Variants in LCLAT1 observed in about 807,000 individuals in gnomAD.
The protein encoded by LCLAT1 is lysocardiolipin acyltransferase 1.
In LCLAT1, 11 loss-of-function variants were observed where a neutral mutation model predicts 30.7. That is an observed-to-expected ratio of 0.36 (90% CI 0.23 to 0.59). The LOEUF (loss-of-function observed/expected upper bound fraction) is 0.59, where lower values mean the gene tolerates loss of function less well. Ranked by LOEUF, LCLAT1 falls within the 20% of genes least tolerant of loss-of-function variation. The probability of loss-of-function intolerance (pLI) is 0.77; values close to 1 mark genes in which losing one functional copy is unlikely to be tolerated. For missense variants in LCLAT1, 402 were observed against 458.6 expected (o/e 0.88, Z 1.13); for synonymous variants, 155 against 151.3 (o/e 1.02, Z -0.18).
In LCLAT1 at chr2:30,477,541, A is replaced by T. The variant is rs371254595; in HGVS notation, c.-5+30158A>T. ...TATCTGTATATAGCCTCTAACTGGTATACAACTAAGTCACAGATTGTGACC... is the reference window on the plus strand; with the variant it reads ...TATCTGTATATAGCCTCTAACTGGTTTACAACTAAGTCACAGATTGTGACC... On this transcript the variant is annotated intron_variant, in intron 1 of 5. Transcript: ENST00000379509. Among the ~76,000 whole-genome samples, 6 of 152,324 alleles carry T rather than the reference A, an allele frequency of 3.9e-5. No homozygotes were observed. In the South Asian group the frequency reaches 1.0e-3, roughly 26 times the overall value.
At chr2:30,532,189 G>C (rs994290828) in intron 2 of LCLAT1, among the ~76,000 whole-genome samples, 4 of 151,992 alleles carry the variant, frequency 2.6e-5, no homozygotes, top group African/African-American at 9.7e-5. Context: ...TGTTGCTGTA[G>C]GTACTTGTAG....
At chr2:30,507,903 C>T (rs1487797295) in intron 1 of LCLAT1, among the ~76,000 whole-genome samples, 1 of 152,186 alleles carries the variant, frequency 6.6e-6, no homozygotes, top group African/African-American at 2.4e-5. Flanking sequence ...AATTTACACT[C>T]CCACCAGTAG....
At chr2:30,600,286 A>T (rs1667123413) in intron 5 of LCLAT1, among the ~76,000 whole-genome samples, 1 of 152,228 alleles carries the variant, frequency 6.6e-6, no homozygotes, top group Admixed American at 6.5e-5. Context: ...TAAATAATGA[A>T]ATTAAGGCAG....
chr2:30,623,227 G>T (rs1202923359), intron 5 of LCLAT1, among the ~76,000 whole-genome samples: 1 of 151,750 alleles, frequency 6.6e-6, no homozygotes, highest in Non-Finnish European at 1.5e-5. Flanking sequence ...CTAATTTTTT[G>T]TATTTTTTAG....
At chr2:30,557,312 G>GTGTGTGTGTGTGTGTA (rs1401580470) in intron 3 of LCLAT1, among the ~76,000 whole-genome samples, 1 of 150,502 alleles carries the variant, frequency 6.6e-6, no homozygotes, top group Non-Finnish European at 1.5e-5. Context: ...GTGTGTGTGT[G>GTGTGTGTGTGTGTGTA]TGTGTGTGTG....
At chr2:30,475,699 T>G (rs1683011867) in intron 1 of LCLAT1, among the ~76,000 whole-genome samples, 1 of 152,218 alleles carries the variant, frequency 6.6e-6, no homozygotes, top group Non-Finnish European at 1.5e-5. Flanking sequence ...AATGATTCCT[T>G]CCTTTTAGTG....
intron 5 of LCLAT1, among the ~76,000 whole-genome samples, chr2:30,592,813 G>C (rs960650169): frequency 2.6e-5 from 4 of 151,978 alleles, no homozygotes; most frequent in Non-Finnish European, 5.9e-5. Context: ...TGTAACAGTT[G>C]TATGTATTTT....
intron 1 of LCLAT1, among the ~76,000 whole-genome samples, chr2:30,487,853 T>C (rs1472879518): frequency 6.6e-6 from 1 of 152,170 alleles, no homozygotes; most frequent in Non-Finnish European, 1.5e-5. Flanking sequence ...CACAGTCCTG[T>C]CTGAGAGAGT....
chr2:30,503,975 C>T (rs998185633), intron 1 of LCLAT1, among the ~76,000 whole-genome samples: 1 of 152,134 alleles, frequency 6.6e-6, no homozygotes, highest in Non-Finnish European at 1.5e-5. Context: ...AACGCTTAGC[C>T]GGTCACAGGA....
intron 5 of LCLAT1, among the ~76,000 whole-genome samples, chr2:30,605,633 TCTCA>T (rs1257497191): frequency 2.5e-4 from 38 of 152,124 alleles, no homozygotes; most frequent in African/African-American, 7.5e-4. Context: ...GTGACATAAT[TCTCA>T]CTAAGAGTGA....
In LCLAT1 at chr2:30,643,094, C is replaced by T. The variant is rs1209181163; in HGVS notation, c.*2475C>T. On this transcript the variant is annotated 3_prime_UTR_variant, in exon 6 of 6. Transcript: ENST00000379509. ...ATAATTGTGACTGGCCTCAGGAATT[C>T]TCCCTTCCACACCTGCCCACCTCAC... The T allele has an allele frequency of 1.5e-4, 5 of 34,352 alleles. 2 individuals carry two copies. The allele number at this position is 34,352 out of a possible 1,614,324, so 2.1% of individuals were successfully genotyped here. A position where few individuals can be genotyped will look rare whatever the true frequency, so the allele number is the denominator to read the frequency against.
chr2:30,517,077 T>A (rs1199812152), intron 1 of LCLAT1, among the ~76,000 whole-genome samples: 1 of 152,196 alleles, frequency 6.6e-6, no homozygotes, highest in Non-Finnish European at 1.5e-5. Flanking sequence ...CAGGCACCCC[T>A]ACCTCTCCTT....
chr2:30,583,204 G>T (rs914065579), intron 5 of LCLAT1, among the ~76,000 whole-genome samples: 1 of 152,198 alleles, frequency 6.6e-6, no homozygotes, highest in African/African-American at 2.4e-5. Flanking sequence ...TCAGTATTTA[G>T]ATCTTAATTT....
chr2:30,497,306 A>G (rs962750026), intron 1 of LCLAT1, among the ~76,000 whole-genome samples: 1 of 152,190 alleles, frequency 6.6e-6, no homozygotes, highest in East Asian at 1.9e-4. Context: ...TTTTGTAATT[A>G]TTAATTATGT....
At chr2:30,505,602 G>A (rs1558482437) in intron 1 of LCLAT1, among the ~76,000 whole-genome samples, 2 of 152,064 alleles carry the variant, frequency 1.3e-5, no homozygotes. Context: ...TTAATAAAGT[G>A]AATGCACCCT....
At chr2:30,512,445 T>C (rs1436943634) in intron 1 of LCLAT1, among the ~76,000 whole-genome samples, 2 of 152,144 alleles carry the variant, frequency 1.3e-5, no homozygotes, top group African/African-American at 4.8e-5. Context: ...TTTTCTCTTA[T>C]TTCCAGTTGG....
At chr2:30,586,983 C>T (rs781525537) in intron 5 of LCLAT1, among the ~76,000 whole-genome samples, 12 of 152,144 alleles carry the variant, frequency 7.9e-5, no homozygotes, top group Admixed American at 1.3e-4. Flanking sequence ...GTCATCACAC[C>T]CTTATTCCCT....
chr2:30,495,670 A>G (rs2148333795), intron 1 of LCLAT1, among the ~76,000 whole-genome samples: 1 of 152,222 alleles, frequency 6.6e-6, no homozygotes, highest in South Asian at 2.1e-4. Context: ...TCATAGGTAA[A>G]GAAAGTAAGG....
intron 5 of LCLAT1, among the ~76,000 whole-genome samples, chr2:30,630,641 A>T (rs74654050): frequency 0.014 from 2,204 of 152,302 alleles, 53 homozygotes; most frequent in African/African-American, 0.049. Context: ...ACAGCCTTCT[A>T]CTTTTTTCAA....
Sources: allele counts gnomAD v4.1 joint callset (sites outside exome capture counted in the v4.1 genomes callset), GRCh38; gene constraint gnomAD v4.1.1; transcripts MANE v1.5; gene names NCBI Gene and HGNC (gene_info 2026-07-23, HGNC 2026-07-21).